CFAP77: variants seen among roughly 807,000 people sequenced by gnomAD.
CFAP77 encodes the protein cilia- and flagella-associated protein 77.
A neutral mutation model predicts 31.1 loss-of-function variants in CFAP77; 25 were observed. That is an observed-to-expected ratio of 0.80 (90% CI 0.59 to 1.12). The LOEUF is 1.12. CFAP77 is among the 50% of genes most tolerant of loss of function. The pLI, the probability that CFAP77 is intolerant of heterozygous loss-of-function variation, is 0.00. For missense variants in CFAP77, 377 were observed against 397.3 expected, an observed-to-expected ratio of 0.95 and a Z score of 0.44; for synonymous variants, 151 against 159.9, an observed-to-expected ratio of 0.94 and a Z score of 0.42.
At chr9:132,518,002 G>A (rs561211443) in intron 3 of CFAP77, among the ~76,000 whole-genome samples, 11 of 152,246 alleles carry the variant, frequency 7.2e-5, no homozygotes, top group Admixed American at 2.6e-4. Flanking sequence ...TTTGTTGCTA[G>A]TGGGCGCGTC....
intron 1 of CFAP77, among the ~76,000 whole-genome samples, chr9:132,463,875 C>T (rs967208406): frequency 2.0e-5 from 3 of 152,178 alleles, no homozygotes; most frequent in Non-Finnish European, 4.4e-5. Flanking sequence ...CCTGGCTTGG[C>T]CTGGAAGGGC....
intron 3 of CFAP77, among the ~76,000 whole-genome samples, chr9:132,505,826 G>A (rs954526373): frequency 3.9e-5 from 6 of 152,100 alleles, no homozygotes; most frequent in Non-Finnish European, 4.4e-5. Context: ...CCTAGTCCAG[G>A]TAGGCACGGA....
At chr9:132,568,358 C>T (rs1163884515) in intron 5 of CFAP77, among the ~76,000 whole-genome samples, 1 of 152,040 alleles carries the variant, frequency 6.6e-6, no homozygotes, top group African/African-American at 2.4e-5. Flanking sequence ...AGTTCCAGAC[C>T]AGCCTGGCCA....
intron 1 of CFAP77, among the ~76,000 whole-genome samples, chr9:132,450,586 C>G (rs574972601): frequency 6.6e-6 from 1 of 152,340 alleles, no homozygotes; most frequent in African/African-American, 2.4e-5. Context: ...ATGTGCCTAC[C>G]TACATACAGC....
intron 1 of CFAP77, among the ~76,000 whole-genome samples, chr9:132,431,904 G>T (rs926629920): frequency 4.6e-5 from 7 of 152,158 alleles, no homozygotes; most frequent in African/African-American, 1.4e-4. Flanking sequence ...CTGGCCTCAA[G>T]CAATTCCTCT....
intron 1 of CFAP77, among the ~76,000 whole-genome samples, chr9:132,439,773 C>T (rs566027548): frequency 1.4e-3 from 202 of 147,796 alleles, no homozygotes; most frequent in African/African-American, 4.4e-3. Flanking sequence ...GGCGTGAACC[C>T]GGGAGGCGGA....
chr9:132,550,190 A>G (rs1459312636), intron 5 of CFAP77, among the ~76,000 whole-genome samples: 2 of 152,340 alleles, frequency 1.3e-5, no homozygotes, highest in East Asian at 3.9e-4. Context: ...TGCCCCCTTC[A>G]TCCTTCCAGC....
chr9:132,448,016 G>C (rs1850757569), intron 1 of CFAP77, among the ~76,000 whole-genome samples: 1 of 152,174 alleles, frequency 6.6e-6, no homozygotes, highest in African/African-American at 2.4e-5. Context: ...CTTTGTTTGG[G>C]AGTGTGGCTT....
intron 5 of CFAP77, among the ~76,000 whole-genome samples, chr9:132,566,213 G>A (rs951703109): frequency 1.3e-5 from 2 of 152,182 alleles, no homozygotes; most frequent in Non-Finnish European, 2.9e-5. Flanking sequence ...TGACCTTGCA[G>A]CCAGCGACTT....
chr9:132,542,731 C>T (rs1340827924), intron 4 of CFAP77, among the ~76,000 whole-genome samples: 1 of 149,994 alleles, frequency 6.7e-6, no homozygotes, highest in African/African-American at 2.4e-5. Context: ...TGGGGTCCCA[C>T]CCCCCCTCCC....
At chr9:132,542,335 A>AACAG (rs1438914742) in intron 4 of CFAP77, among the ~76,000 whole-genome samples, 1 of 152,236 alleles carries the variant, frequency 6.6e-6, no homozygotes, top group Non-Finnish European at 1.5e-5. Flanking sequence ...GTCAGTCTAG[A>AACAG]ACAGACCTTA....
rs1367104875 is a variant in CFAP77 at position 132,445,017 on chromosome 9, A to C, written c.195+34551A>C. Among the ~76,000 whole-genome samples, 5 of 142,404 alleles carry C rather than the reference A, an allele frequency of 3.5e-5. No homozygotes were observed. In the East Asian group the frequency reaches 1.0e-3, roughly 29 times the overall value. The allele number at this position is 142,404 out of a possible 152,430, so 93.4% of individuals were successfully genotyped here. ...TAGACAGGGTCTCACTCTGTTGCCC[A>C]GGCTGGAGTGCAGTGGTGCAATCTT... On this transcript the variant is annotated intron_variant, in intron 1 of 5. Transcript: ENST00000393216.
At chr9:132,471,877 G>A (rs1851265869) in intron 1 of CFAP77, among the ~76,000 whole-genome samples, 1 of 151,858 alleles carries the variant, frequency 6.6e-6, no homozygotes, top group African/African-American at 2.4e-5. Context: ...GTTAATTTTT[G>A]TATTATTATT....
At chr9:132,449,693 C>G (rs1004680167) in intron 1 of CFAP77, among the ~76,000 whole-genome samples, 1 of 152,136 alleles carries the variant, frequency 6.6e-6, no homozygotes, top group African/African-American at 2.4e-5. Context: ...TGGGCAAATA[C>G]CCAGGAACGG....
At chr9:132,454,661 G>A (rs1422822064) in intron 1 of CFAP77, among the ~76,000 whole-genome samples, 7 of 152,214 alleles carry the variant, frequency 4.6e-5, no homozygotes, top group Admixed American at 3.9e-4. Context: ...TTCTAGAAGT[G>A]AAGACTACTT....
chr9:132,564,053 T>C lies in CFAP77; in HGVS notation c.733-8335T>C, dbSNP rs1477298395. Among the ~76,000 whole-genome samples the C allele has an allele frequency of 6.6e-6, 1 of 152,188 alleles. No individual in the cohort carries two copies. The highest frequency in any genetic ancestry group is 1.5e-5 in the Non-Finnish European group (1 of 68,030). On this transcript the variant is annotated intron_variant, in intron 5 of 5. Transcript: ENST00000393216. The surrounding 1 kb of genome is among the most constrained non-coding windows in gnomAD (Gnocchi z 4.6). ...GTTGGAGTCTCTGTATCATAAGCTC[T>C]TACAGAACCTTGTACTTCTTTTAAT...
At chr9:132,468,705 T>C (rs1564215160) in intron 1 of CFAP77, among the ~76,000 whole-genome samples, 2 of 152,136 alleles carry the variant, frequency 1.3e-5, no homozygotes. Context: ...GACTATGATG[T>C]CTCTTTTGCT....
rs536527848 is a variant in CFAP77 at position 132,539,544 on chromosome 9, G to A, written c.630+1838G>A. Among the ~76,000 whole-genome samples, 2 of 152,238 alleles carry A rather than the reference G, an allele frequency of 1.3e-5. No individual in the cohort carries two copies. Among genetic ancestry groups the A allele is most frequent in the South Asian group, 2.1e-4 (1 of 4,814 alleles). On this transcript the variant is annotated intron_variant, in intron 4 of 5. Coordinates refer to ENST00000393216, the MANE Select transcript of CFAP77 (RefSeq NM_001282957.2). The surrounding 1 kb of genome is among the most constrained non-coding windows in gnomAD (Gnocchi z 4.3). Reference sequence around the variant, plus strand: ...AAGAGGTCCCACTCCTGCTGTTTACGGAAAAGCCTGGGGCTCAGCAACAGC... The same window carrying A: ...AAGAGGTCCCACTCCTGCTGTTTACAGAAAAGCCTGGGGCTCAGCAACAGC...
At chr9:132,523,181 G>T (rs151040444) in intron 3 of CFAP77, among the ~76,000 whole-genome samples, 1 of 151,382 alleles carries the variant, frequency 6.6e-6, no homozygotes, top group Non-Finnish European at 1.5e-5. Flanking sequence ...TCCGTCTTCC[G>T]GGTTCAAGCA....
Sources: allele counts gnomAD v4.1 joint callset (sites outside exome capture counted in the v4.1 genomes callset), GRCh38; gene constraint gnomAD v4.1.1; non-coding constraint Gnocchi (gnomAD v3.1); transcripts MANE v1.5; gene names NCBI Gene and HGNC (gene_info 2026-07-23, HGNC 2026-07-21).